Variants in NFYC observed in about 807,000 individuals in gnomAD.
The protein encoded by NFYC is nuclear transcription factor Y subunit gamma.
Under a neutral mutation model 53.1 loss-of-function variants are expected in NFYC, and 25 were observed. The observed-to-expected ratio is 0.47, with a 90% CI of 0.34 to 0.66. NFYC has a LOEUF of 0.66. NFYC is among the 30% of genes least tolerant of loss of function. The probability of loss-of-function intolerance (pLI) is 0.01; values close to 1 mark genes in which losing one functional copy is unlikely to be tolerated. For missense variants in NFYC, 260 were observed against 422.7 expected, an observed-to-expected ratio of 0.62 and a Z score of 3.38; for synonymous variants, 145 against 152.6, an observed-to-expected ratio of 0.95 and a Z score of 0.37.
intron 1 of NFYC, among the ~76,000 whole-genome samples, chr1:40,705,678 C>T (rs1643661044): frequency 6.6e-6 from 1 of 152,176 alleles, no homozygotes; most frequent in South Asian, 2.1e-4. Context: ...GATATTTGGT[C>T]ATACCATTGG....
chr1:40,753,395 G>T, intron 5 of NFYC, 149 bp downstream of exon 5: 1 of 566,736 alleles, frequency 1.8e-6, no homozygotes, highest in Non-Finnish European at 3.1e-6. Context: ...ATCTCCTTCT[G>T]TTACTCATTT....
intron 1 of NFYC, chr1:40,734,979 T>A (rs1324633894): frequency 6.6e-6 from 1 of 152,098 alleles, no homozygotes; most frequent in Non-Finnish European, 1.5e-5. Flanking sequence ...CTCTAAAACC[T>A]AATGTAAAGA....
At chr1:40,756,125 GGA>G (rs373105325) in intron 5 of NFYC, among the ~76,000 whole-genome samples, 55 of 152,230 alleles carry the variant, frequency 3.6e-4, no homozygotes, top group African/African-American at 1.3e-3. Flanking sequence ...AAATAATAAG[GGA>G]GATCTCAGTG....
At chr1:40,710,849 A>G (rs1214220620) in intron 1 of NFYC, among the ~76,000 whole-genome samples, 1 of 152,188 alleles carries the variant, frequency 6.6e-6, no homozygotes, top group African/African-American at 2.4e-5. Flanking sequence ...AGTGACCTTG[A>G]AAAACTGCTG....
At chr1:40,736,817 T>C (rs112863616) in intron 1 of NFYC, among the ~76,000 whole-genome samples, 3,112 of 105,030 alleles carry the variant, frequency 0.03, 45 homozygotes, top group Middle Eastern at 0.056. Flanking sequence ...TGCAAACTTA[T>C]TCCAAAAAAA....
chr1:40,749,815 G>T, intron 4 of NFYC, 129 bp downstream of exon 4: 1 of 730,952 alleles, frequency 1.4e-6, no homozygotes, highest in Non-Finnish European at 2.3e-6. Flanking sequence ...ACCAAAGATT[G>T]TTCTCCTTTA....
chr1:40,770,509 A>T lies in NFYC; in HGVS notation c.889-200A>T, dbSNP rs1412183678. ...TGCACCTCTTCCCTGCCCACCACACACCCCCCCTCACACCGGGCTGGTGCC... is the reference window on the plus strand; with the variant it reads ...TGCACCTCTTCCCTGCCCACCACACTCCCCCCCTCACACCGGGCTGGTGCC... On this transcript the variant is annotated intron_variant, in intron 9 of 9. Coordinates refer to ENST00000447388, the MANE Select transcript of NFYC (RefSeq NM_014223.5). The surrounding 1 kb of genome is among the most constrained non-coding windows in gnomAD (Gnocchi z 5.3). 4 of 1,552,910 alleles carry T rather than the reference A, an allele frequency of 2.6e-6. No homozygotes were observed. Among genetic ancestry groups the T allele is most frequent in the Non-Finnish European group, 3.5e-6 (4 of 1,148,454 alleles).
intron 3 of NFYC, 145 bp downstream of exon 3, chr1:40,747,750 A>C: frequency 3.1e-6 from 2 of 644,806 alleles, no homozygotes; most frequent in African/African-American, 3.7e-5. Context: ...TCCTGTGCAA[A>C]ATTGTTAAGT....
intron 1 of NFYC, among the ~76,000 whole-genome samples, chr1:40,710,443 A>G (rs1643894219): frequency 6.6e-6 from 1 of 152,246 alleles, no homozygotes; most frequent in Non-Finnish European, 1.5e-5. Flanking sequence ...CTTTATGGAT[A>G]TAAAGCTAAT....
intron 8 of NFYC, among the ~76,000 whole-genome samples, chr1:40,767,805 C>T (rs985448324): frequency 1.3e-5 from 2 of 151,984 alleles, no homozygotes; most frequent in African/African-American, 4.8e-5. Flanking sequence ...ATGGCAAAAC[C>T]GTTTCCACTA....
At position 40,717,456 on chromosome 1, in the gene NFYC, A is replaced by G. The variant is rs17413806; in HGVS notation, c.-8-21380A>G. ...GCGTGTACAACAAGGTAAAGGTTTC[A>G]TTGTTAGCCTACATCTTCCTCGCAG... On this transcript the variant is annotated intron_variant, in intron 1 of 9. Transcript: ENST00000447388. 9.4e-3 allele frequency among the ~76,000 whole-genome samples: 1,439 copies of G among 152,320 alleles called. 11 individuals are homozygous for G. The highest frequency in any genetic ancestry group is 0.041 in the Middle Eastern group (12 of 294).
intron 1 of NFYC, among the ~76,000 whole-genome samples, chr1:40,729,679 CTT>C (rs749911157): frequency 1.5e-4 from 21 of 143,394 alleles, no homozygotes; most frequent in Non-Finnish European, 1.4e-4. Flanking sequence ...CATCTCAGCT[CTT>C]TTTTTTTTTT....
At chr1:40,758,923 T>G (rs1646380784) in intron 6 of NFYC, among the ~76,000 whole-genome samples, 1 of 152,202 alleles carries the variant, frequency 6.6e-6, no homozygotes, top group Non-Finnish European at 1.5e-5. Flanking sequence ...CTGAGCATCC[T>G]CTGAGGGTAA....
intron 1 of NFYC, among the ~76,000 whole-genome samples, chr1:40,726,026 A>G (rs1331600020): frequency 6.6e-6 from 1 of 152,072 alleles, no homozygotes; most frequent in Non-Finnish European, 1.5e-5. Flanking sequence ...GAGGGTCTTG[A>G]CTTGATGATG....
intron 7 of NFYC, among the ~76,000 whole-genome samples, chr1:40,765,820 G>T (rs919682105): frequency 1.3e-5 from 2 of 152,216 alleles, no homozygotes; most frequent in African/African-American, 4.8e-5. Flanking sequence ...GTACACTGGA[G>T]CATTAAGAGC....
chr1:40,721,251 T>C (rs1305229335), intron 1 of NFYC, among the ~76,000 whole-genome samples: 1 of 152,262 alleles, frequency 6.6e-6, no homozygotes, highest in Non-Finnish European at 1.5e-5. Context: ...ATCAATGCTA[T>C]TGCAGAAGAG....
chr1:40,693,736 A>G (rs1642971324), intron 1 of NFYC, among the ~76,000 whole-genome samples: 1 of 152,236 alleles, frequency 6.6e-6, no homozygotes, highest in Non-Finnish European at 1.5e-5. Flanking sequence ...CTGTAATTTT[A>G]TCTGCTACAT....
intron 5 of NFYC, 84 bp from the exon 6 acceptor site, chr1:40,758,037 T>A: frequency 6.7e-7 from 1 of 1,499,324 alleles, no homozygotes; most frequent in Non-Finnish European, 9.2e-7. Flanking sequence ...GCACATAGCC[T>A]GTTTGGGGGA....
chr1:40,734,279 G>A (rs1320158590), intron 1 of NFYC, among the ~76,000 whole-genome samples: 1 of 152,166 alleles, frequency 6.6e-6, no homozygotes, highest in Non-Finnish European at 1.5e-5. Flanking sequence ...GACTACTTCT[G>A]TAGCAAAATC....
Sources: gnomAD v4.1 joint callset for allele counts (sites outside exome capture counted in the v4.1 genomes callset) on GRCh38, gnomAD v4.1.1 for gene constraint, Gnocchi (gnomAD v3.1) non-coding constraint, MANE v1.5 for transcripts, NCBI Gene and HGNC (gene_info 2026-07-23, HGNC 2026-07-21) for gene names.